The following IGF2R variants were observed in gnomAD, a reference collection of about 807,000 sequenced individuals.
IGF2R encodes the protein insulin like growth factor 2 receptor.
IGF2R carries 91 observed loss-of-function variants against 270.6 expected under a neutral mutation model. That is an observed-to-expected ratio of 0.34 (90% CI 0.28 to 0.40). The LOEUF is 0.40. IGF2R is among the 10% of genes least tolerant of loss of function. The pLI is 1.00. For missense variants in IGF2R, 2,805 were observed against 3,188.3 expected (o/e 0.88, Z 2.90); for synonymous variants, 1,316 against 1,258.9 (o/e 1.05, Z -0.96).
chr6:160,045,503 C>T (rs1490809574), intron 13 of IGF2R, among the ~76,000 whole-genome samples: 2 of 152,188 alleles, frequency 1.3e-5, no homozygotes, highest in Non-Finnish European at 2.9e-5. Flanking sequence ...AAACTCAGTT[C>T]CCATTAAACA....
intron 45 of IGF2R, among the ~76,000 whole-genome samples, chr6:160,100,184 A>C (rs944116824): frequency 6.6e-6 from 1 of 152,206 alleles, no homozygotes; most frequent in Non-Finnish European, 1.5e-5. Context: ...TAGCTTGACT[A>C]AACTTGTCAG....
chr6:159,973,015 A>G (rs1783633966), intron 1 of IGF2R, among the ~76,000 whole-genome samples: 1 of 152,212 alleles, frequency 6.6e-6, no homozygotes, highest in South Asian at 2.1e-4. Flanking sequence ...TGATATTGCT[A>G]GTACAAAGTT....
chr6:160,048,456 C>T lies in IGF2R; in HGVS notation c.2427C>T (p.Tyr809=). ...GGGAACATGTCACGTGGAGGAAATA[C>T]TACATTAACGTGTGTCGGCCTCTGA... is the stretch of plus-strand genomic sequence containing the variant. ...NSGEHVTWRK[Y]YINVCRPLNP... The change falls in exon 18 of 48, where the codon TAC becomes TAT. Residue 809 remains tyrosine (Y), a synonymous_variant. Transcript: ENST00000356956. 2 of 1,614,178 alleles carry T rather than the reference C, an allele frequency of 1.2e-6. No homozygotes were observed.
At chr6:159,999,955 G>T (rs1784104041) in intron 2 of IGF2R, among the ~76,000 whole-genome samples, 1 of 152,146 alleles carries the variant, frequency 6.6e-6, no homozygotes, top group Non-Finnish European at 1.5e-5. Context: ...ATGACTAAAA[G>T]GTGTTCTAAA....
intron 39 of IGF2R, among the ~76,000 whole-genome samples, chr6:160,081,125 CA>C (rs57556600): frequency 0.48 from 62,316 of 129,696 alleles, 13,757 homozygotes; most frequent in East Asian, 0.68. Context: ...GACTCGGTCT[CA>C]AAAAAAAAAA....
intron 37 of IGF2R, among the ~76,000 whole-genome samples, chr6:160,078,711 CA>C (rs1374878127): frequency 6.6e-6 from 1 of 152,180 alleles, no homozygotes; most frequent in Non-Finnish European, 1.5e-5. Context: ...GGGACAGGGC[CA>C]GCTCCTGGGT....
intron 17 of IGF2R, among the ~76,000 whole-genome samples, chr6:160,048,169 G>T (rs1218150498): frequency 2.0e-5 from 3 of 152,190 alleles, no homozygotes; most frequent in Non-Finnish European, 4.4e-5. Flanking sequence ...AGGCACGGGG[G>T]ACAGTTAAGG....
intron 1 of IGF2R, among the ~76,000 whole-genome samples, chr6:159,978,504 A>G (rs766077285): frequency 2.6e-5 from 4 of 152,038 alleles, no homozygotes; most frequent in South Asian, 2.1e-4. Context: ...ACTTCTGCAC[A>G]TGGTCAAGGG....
At chr6:159,993,035 G>A (rs548760218) in intron 2 of IGF2R, among the ~76,000 whole-genome samples, 2 of 152,246 alleles carry the variant, frequency 1.3e-5, no homozygotes, top group East Asian at 3.9e-4. Flanking sequence ...ACATATGCTT[G>A]TTGGCCATTT....
Position 160,034,530 on chromosome 6 carries a change from T to TGC in IGF2R, c.1315+11_1315+12dup. 1 of 1,565,182 alleles carries TGC rather than the reference T, an allele frequency of 6.4e-7. No individual in the cohort carries two copies. Among genetic ancestry groups the TGC allele is most frequent in the Non-Finnish European group, 8.8e-7 (1 of 1,135,726 alleles). Reference sequence around the variant, plus strand: ...AGTGCAATAAAACCGCAGGTAAGTGTGCGCTGGAGTTCAGCCCCTCCTCTT... The same window carrying TGC: ...AGTGCAATAAAACCGCAGGTAAGTGTGCGCGCTGGAGTTCAGCCCCTCCTCTT... On this transcript the variant is annotated intron_variant, in intron 10 of 47. Transcript: ENST00000356956.
chr6:159,977,981 G>A (rs1205594285), intron 1 of IGF2R, among the ~76,000 whole-genome samples: 1 of 152,088 alleles, frequency 6.6e-6, no homozygotes, highest in African/African-American at 2.4e-5. Flanking sequence ...GCACGTCCTC[G>A]GTGTTCATTG....
At position 160,089,118 on chromosome 6, in the gene IGF2R, A is replaced by G. The variant is rs371845257; in HGVS notation, c.6332A>G (p.Asp2111Gly). 3.7e-6 allele frequency: 6 copies of G among 1,612,932 alleles called. No homozygotes were observed. The African/African-American group carries it at 6.7e-5, about 18-fold the overall frequency. The change falls in exon 43 of 48, where the codon GAC becomes GGC. Residue 2111 changes from aspartate (D) to glycine (G), a missense_variant. Transcript: ENST00000356956. ...GRPAFKRFDI[D>G]SCTYYFSWDS... is the part of the protein sequence containing the mutation. ...TTCCCTCCTCCTAGGTTTGATATCG[A>G]CAGCTGCACTTACTACTTCAGCTGG...
intron 38 of IGF2R, 94 bp downstream of exon 38, chr6:160,079,881 C>T (rs928010762): frequency 2.4e-5 from 28 of 1,186,228 alleles, no homozygotes; most frequent in South Asian, 8.4e-5. Flanking sequence ...TGGAGCTCCA[C>T]GGTCCTATGA....
At chr6:160,095,963 G>C (rs1583305213) in intron 44 of IGF2R, 1 of 152,418 alleles carries the variant, frequency 6.6e-6, no homozygotes, top group Non-Finnish European at 1.5e-5. Flanking sequence ...AAATGAATGA[G>C]GAATTCTTTA....
chr6:160,037,648 A>AT (rs1562352253), intron 10 of IGF2R, among the ~76,000 whole-genome samples: 2 of 152,122 alleles, frequency 1.3e-5, no homozygotes, highest in Admixed American at 6.5e-5. Context: ...ATTATTGGTG[A>AT]TTTTTTTAAA....
intron 36 of IGF2R, among the ~76,000 whole-genome samples, chr6:160,077,161 A>G (rs1232249482): frequency 6.6e-6 from 1 of 152,230 alleles, no homozygotes; most frequent in Non-Finnish European, 1.5e-5. Context: ...GGATGTGTTC[A>G]TGAATCTTAG....
chr6:159,992,612 A>G (rs978066011), intron 2 of IGF2R, among the ~76,000 whole-genome samples: 1 of 151,952 alleles, frequency 6.6e-6, no homozygotes, highest in Non-Finnish European at 1.5e-5. Flanking sequence ...ACACACACAC[A>G]CACACACACA....
chr6:160,094,159 T>TATAACAGG (rs1779294310), intron 44 of IGF2R: 2 of 400,274 alleles, frequency 5.0e-6, no homozygotes, highest in Non-Finnish European at 9.7e-6. Context: ...ACAAACCTGC[T>TATAACAGG]TTTGGTCTAT....
intron 39 of IGF2R, among the ~76,000 whole-genome samples, 167 bp from the exon 40 acceptor site, chr6:160,083,783 A>T (rs892785765): frequency 1.3e-5 from 2 of 152,232 alleles, no homozygotes; most frequent in Admixed American, 1.3e-4. Context: ...AGTTGGGTCA[A>T]AGTGGCTGGG....
Sources: allele counts gnomAD v4.1 joint callset (sites outside exome capture counted in the v4.1 genomes callset), GRCh38; gene constraint gnomAD v4.1.1; transcripts MANE v1.5; gene names NCBI Gene and HGNC (gene_info 2026-07-23, HGNC 2026-07-21).